RBFOX1: variants seen among roughly 807,000 people sequenced by gnomAD.
RBFOX1 encodes the protein RNA binding fox-1 homolog 1, also known as RNA binding protein fox-1 homolog 1.
Under a neutral mutation model 57.7 loss-of-function variants are expected in RBFOX1, and 8 were observed. That is an observed-to-expected ratio of 0.14 (90% CI 0.08 to 0.25). The LOEUF is 0.25. Among genes scored for constraint, RBFOX1 ranks in the 10% least tolerant of loss-of-function variants. RBFOX1 has a pLI of 1.00. For missense variants in RBFOX1, 611 were observed against 548.5 expected (o/e 1.11, Z -1.14); for synonymous variants, 326 against 222.4 (o/e 1.47, Z -4.15).
chr16:5,514,093 G>T (rs2043700663), intron 2 of RBFOX1, among the ~76,000 whole-genome samples: 1 of 152,134 alleles, frequency 6.6e-6, no homozygotes, highest in Admixed American at 6.5e-5. Context: ...GTGACTTCTT[G>T]TCTAATCACG....
intron 5 of RBFOX1, among the ~76,000 whole-genome samples, chr16:7,570,618 T>A (rs992833210): frequency 3.3e-5 from 5 of 152,208 alleles, no homozygotes; most frequent in African/African-American, 1.2e-4. Context: ...CAGAGCTACC[T>A]AGCCATAAAT....
chr16:6,974,015 A>G (rs1286443927), intron 3 of RBFOX1, among the ~76,000 whole-genome samples: 1 of 152,182 alleles, frequency 6.6e-6, no homozygotes, highest in African/African-American at 2.4e-5. Flanking sequence ...CTTTTAAGTA[A>G]GAACATATAG....
chr16:7,614,097 C>T (rs923211020), intron 10 of RBFOX1: 1 of 152,198 alleles, frequency 6.6e-6, no homozygotes, highest in East Asian at 1.9e-4. Flanking sequence ...GAGGACTAGA[C>T]TCGAATCAAT....
rs186340487 is a variant in RBFOX1 at position 7,077,034 on chromosome 16, G to T, written c.27+24936G>T. Among the ~76,000 whole-genome samples, 4 of 152,306 alleles carry T rather than the reference G, an allele frequency of 2.6e-5. No individual in the cohort carries two copies. The East Asian group carries it at 5.8e-4, about 22-fold the overall frequency. ...GACATCCATCTGATTTCTTGGAACA[G>T]GGCCATTTAGTTAGTGGACGAGACC... On this transcript the variant is annotated intron_variant, in intron 4 of 15. Transcript: ENST00000550418.
At chr16:7,077,393 A>C (rs2058474374) in intron 4 of RBFOX1, among the ~76,000 whole-genome samples, 1 of 152,170 alleles carries the variant, frequency 6.6e-6, no homozygotes, top group Non-Finnish European at 1.5e-5. Flanking sequence ...TGGGAAATTC[A>C]GGTTAGTGTA....
chr16:5,750,334 A>C (rs1460545348), intron 3 of RBFOX1, among the ~76,000 whole-genome samples: 1 of 152,226 alleles, frequency 6.6e-6, no homozygotes, highest in Non-Finnish European at 1.5e-5. Context: ...TTGAGGAGGC[A>C]GACTGTCCAT....
At chr16:5,536,450 G>C (rs1480400177) in intron 2 of RBFOX1, among the ~76,000 whole-genome samples, 1 of 151,982 alleles carries the variant, frequency 6.6e-6, no homozygotes. Context: ...TGGTCAGCCT[G>C]ATCTTGAACT....
At chr16:6,947,817 C>T (rs1017394437) in intron 3 of RBFOX1, among the ~76,000 whole-genome samples, 5 of 152,122 alleles carry the variant, frequency 3.3e-5, no homozygotes, top group African/African-American at 1.2e-4. Context: ...TGCTCTGTCG[C>T]TCAAGCTGCA....
chr16:5,498,271 G>T (rs948148213), intron 2 of RBFOX1, among the ~76,000 whole-genome samples: 33 of 152,068 alleles, frequency 2.2e-4, no homozygotes, highest in African/African-American at 8.0e-4. Flanking sequence ...GCTTCTCAAC[G>T]AACTGGGATT....
At chr16:7,372,547 G>A (rs1023963034) in intron 4 of RBFOX1, among the ~76,000 whole-genome samples, 2 of 152,154 alleles carry the variant, frequency 1.3e-5, no homozygotes, top group African/African-American at 4.8e-5. Context: ...GTGGCTGTTA[G>A]GAGCTCTGTC....
At chr16:7,057,729 C>T (rs1055732118) in intron 4 of RBFOX1, among the ~76,000 whole-genome samples, 2 of 152,064 alleles carry the variant, frequency 1.3e-5, no homozygotes, top group African/African-American at 2.4e-5. Context: ...CCATAGATGC[C>T]GGGTGCAGTG....
intron 1 of RBFOX1, among the ~76,000 whole-genome samples, chr16:6,292,715 C>G (rs117245729): frequency 2.6e-5 from 4 of 152,202 alleles, no homozygotes; most frequent in South Asian, 2.1e-4. Context: ...AGTCATTGAA[C>G]TATCTATTGC....
At chr16:7,409,957 T>G (rs1020301004) in intron 4 of RBFOX1, among the ~76,000 whole-genome samples, 1 of 152,124 alleles carries the variant, frequency 6.6e-6, no homozygotes, top group Admixed American at 6.5e-5. Flanking sequence ...GAGCTGACAT[T>G]TCTCTAACAG....
intron 5 of RBFOX1, among the ~76,000 whole-genome samples, chr16:7,533,167 G>T (rs1294189750): frequency 6.6e-6 from 1 of 152,178 alleles, no homozygotes; most frequent in Non-Finnish European, 1.5e-5. Context: ...AGGCACTTGA[G>T]TATGATACTC....
chr16:5,992,389 A>G (rs187495241), intron 4 of RBFOX1, among the ~76,000 whole-genome samples: 55 of 152,316 alleles, frequency 3.6e-4, no homozygotes, highest in African/African-American at 1.3e-3. Flanking sequence ...TTAAAGCGAG[A>G]CCAATGGGTA....
At chr16:6,845,006 C>T (rs539508268) in intron 3 of RBFOX1, among the ~76,000 whole-genome samples, 2 of 152,082 alleles carry the variant, frequency 1.3e-5, no homozygotes, top group East Asian at 3.9e-4. Flanking sequence ...CTGTTTATGT[C>T]CTTTGCCCAC....
At chr16:6,683,262 A>G (rs933416194) in intron 3 of RBFOX1, among the ~76,000 whole-genome samples, 3 of 152,194 alleles carry the variant, frequency 2.0e-5, no homozygotes, top group African/African-American at 4.8e-5. Context: ...TCCAGTGCAG[A>G]GGTCAAATTT....
chr16:7,173,262 A>C (rs1052279486), intron 4 of RBFOX1, among the ~76,000 whole-genome samples: 8 of 152,216 alleles, frequency 5.3e-5, no homozygotes, highest in Admixed American at 4.6e-4. Context: ...ACTGACTACG[A>C]AAACCTGGTC....
chr16:7,682,434 G>A (rs1187922535), intron 14 of RBFOX1, among the ~76,000 whole-genome samples: 2 of 151,882 alleles, frequency 1.3e-5, no homozygotes, highest in African/African-American at 4.8e-5. Flanking sequence ...GCAGAGAGAA[G>A]CCACTTGCAA....
Sources: gnomAD v4.1 joint callset for allele counts (sites outside exome capture counted in the v4.1 genomes callset) on GRCh38, gnomAD v4.1.1 for gene constraint, MANE v1.5 for transcripts, NCBI Gene and HGNC (gene_info 2026-07-23, HGNC 2026-07-21) for gene names.